The following LAMA2 variants were observed in gnomAD, a reference collection of about 807,000 sequenced individuals.
LAMA2 encodes the protein laminin subunit alpha 2.
LAMA2 carries 269 observed loss-of-function variants against 364.8 expected under a neutral mutation model. The ratio of observed to expected loss-of-function variants is 0.74; its 90% CI spans 0.67 to 0.82. LAMA2 has a LOEUF of 0.82. Among genes scored for constraint, LAMA2 ranks in the 40% least tolerant of loss-of-function variants. LAMA2 has a pLI of 0.00. For missense variants in LAMA2, 3,807 were observed against 3,873.2 expected, an observed-to-expected ratio of 0.98 and a Z score of 0.45; for synonymous variants, 1,379 against 1,370.6, an observed-to-expected ratio of 1.01 and a Z score of -0.14.
In LAMA2 at chr6:129,481,310, C is replaced by A. The variant is rs747235701; in HGVS notation, c.7620C>A (p.Ser2540=). The A allele has an allele frequency of 1.2e-6, 2 of 1,613,732 alleles. No individual in the cohort carries two copies. Among genetic ancestry groups the A allele is most frequent in the South Asian group, 2.2e-5 (2 of 91,078 alleles). Residue 2540 remains serine, a synonymous_variant, in exon 55 of 65, where the codon TCC becomes TCA. Coordinates refer to ENST00000421865, the MANE Select transcript of LAMA2 (RefSeq NM_000426.4). The part of the protein sequence containing the change: ...SFPKPGFVEL[S]PVPIDVGTEI... ...CTAAGCCTGGTTTTGTGGAGCTCTC[C>A]CCTGTGCCAATTGATGTAGGAACAG...
chr6:129,073,889 G>A lies in LAMA2; in HGVS notation c.396+13993G>A, dbSNP rs553077129. ...TTCCTGTTTTATGACAAGCTTGGTC[G>A]TTTTTGATTAAATAATGTATGTGTC... is the stretch of plus-strand genomic sequence containing the variant. On this transcript the variant is annotated intron_variant, in intron 3 of 64. Transcript: ENST00000421865. Among the ~76,000 whole-genome samples, 188 of 152,192 alleles carry A rather than the reference G, an allele frequency of 1.2e-3. 3 individuals are homozygous for A. Among genetic ancestry groups the A allele is most frequent in the South Asian group, 9.6e-3 (46 of 4,814 alleles).
intron 1 of LAMA2, among the ~76,000 whole-genome samples, chr6:128,939,775 T>C (rs1780047445): frequency 6.6e-6 from 1 of 152,172 alleles, no homozygotes; most frequent in South Asian, 2.1e-4. Flanking sequence ...TTATACTTCT[T>C]GTAAAATAAT....
chr6:129,222,589 GAT>G (rs1007063582), intron 12 of LAMA2, among the ~76,000 whole-genome samples: 18 of 148,002 alleles, frequency 1.2e-4, no homozygotes, highest in African/African-American at 3.8e-4. Flanking sequence ...GAGAATATGC[GAT>G]GTTTAGTTTG....
At chr6:129,008,782 G>A (rs1784584935) in intron 1 of LAMA2, among the ~76,000 whole-genome samples, 1 of 152,114 alleles carries the variant, frequency 6.6e-6, no homozygotes, top group African/African-American at 2.4e-5. Context: ...AGGAACTTTG[G>A]CAGGACGAGA....
chr6:129,267,081 G>T, intron 15 of LAMA2, 25 bp from the exon 16 acceptor site: 1 of 1,423,088 alleles, frequency 7.0e-7, no homozygotes, highest in Non-Finnish European at 9.9e-7. Flanking sequence ...CTCCAAGACT[G>T]ACTAAAGCCT....
In LAMA2 at chr6:129,391,560, T is replaced by G. The variant is rs1351512527; in HGVS notation, c.5141T>G (p.Leu1714Trp). The change falls in exon 36 of 65, where the codon TTG (leucine) becomes TGG (tryptophan). Residue 1714 changes from leucine to tryptophan, a missense_variant. By Grantham distance (61) the Leu-to-Trp change is moderately conservative. This residue lies in a region of LAMA2 where 3,333 missense variants were observed against 3,345.7 expected (regional missense o/e 1.00). Coordinates refer to ENST00000421865, the MANE Select transcript of LAMA2 (RefSeq NM_000426.4). ...GTRDEAFERN[L>W]EGLQKEIDQM... ...CGAGACGAGGCCTTTGAGAGAAATT[T>G]GGAAGGGCTTCAGAAAGAGATTGAC... The G allele has an allele frequency of 6.2e-7, 1 of 1,613,738 alleles. No homozygotes were observed. Among genetic ancestry groups the G allele is most frequent in the African/African-American group, 1.3e-5 (1 of 74,924 alleles).
At chr6:129,223,920 A>G (rs1180244522) in intron 12 of LAMA2, among the ~76,000 whole-genome samples, 1 of 152,140 alleles carries the variant, frequency 6.6e-6, no homozygotes, top group Admixed American at 6.5e-5. Context: ...CATTGAATCT[A>G]TGAATTACCT....
intron 35 of LAMA2, among the ~76,000 whole-genome samples, chr6:129,388,245 G>A (rs1779128498): frequency 7.2e-6 from 1 of 139,532 alleles, no homozygotes. Context: ...AACAGAGCAA[G>A]ACTCCATCTC....
intron 1 of LAMA2, among the ~76,000 whole-genome samples, chr6:129,021,934 A>G (rs1297385673): frequency 6.6e-6 from 1 of 152,248 alleles, no homozygotes; most frequent in African/African-American, 2.4e-5. Flanking sequence ...GCCATGGACC[A>G]AAAGTAGGCC....
rs1479730109 is a variant in LAMA2, at chr6:129,383,499, T to C, written c.5071+266T>C. ...TTGTAACATGGCTATTATAATTACA[T>C]AAGAATAGGCAACTTTTGTTTTGTT... On this transcript the variant is annotated intron_variant, in intron 35 of 64. Coordinates refer to ENST00000421865, the MANE Select transcript of LAMA2 (RefSeq NM_000426.4). Among the ~76,000 whole-genome samples the C allele has an allele frequency of 2.0e-5, 3 of 152,338 alleles. No individual in the cohort carries two copies. The East Asian group carries it at 5.8e-4, about 29-fold the overall frequency.
At chr6:129,333,989 A>G (rs1054511869) in intron 29 of LAMA2, among the ~76,000 whole-genome samples, 3 of 152,222 alleles carry the variant, frequency 2.0e-5, no homozygotes, top group Non-Finnish European at 4.4e-5. Flanking sequence ...AAACAAACAC[A>G]GCTGGTATAA....
intron 18 of LAMA2, among the ~76,000 whole-genome samples, chr6:129,284,614 T>C (rs1013393202): frequency 1.2e-4 from 18 of 152,152 alleles, no homozygotes; most frequent in African/African-American, 3.6e-4. Context: ...AGTGTATAGA[T>C]AATAGAAATG....
intron 4 of LAMA2, among the ~76,000 whole-genome samples, chr6:129,117,164 G>A (rs1471936572): frequency 6.6e-6 from 1 of 152,120 alleles, no homozygotes; most frequent in African/African-American, 2.4e-5. Context: ...AAACTTTCAA[G>A]ACGAACATTT....
chr6:129,258,024 G>A (rs191082034), intron 14 of LAMA2, among the ~76,000 whole-genome samples: 64 of 151,846 alleles, frequency 4.2e-4, no homozygotes, highest in African/African-American at 1.1e-3. Context: ...CTACCCATCC[G>A]TCCACCCATC....
At chr6:129,132,006 A>G (rs150611677) in intron 4 of LAMA2, among the ~76,000 whole-genome samples, 64 of 152,006 alleles carry the variant, frequency 4.2e-4, no homozygotes, top group African/African-American at 1.5e-3. Flanking sequence ...TAATTCTACA[A>G]TCTCCTCTTC....
At chr6:129,347,345 C>T (rs555291568) in intron 30 of LAMA2, among the ~76,000 whole-genome samples, 8 of 151,878 alleles carry the variant, frequency 5.3e-5, no homozygotes, top group Non-Finnish European at 1.2e-4. Flanking sequence ...TTTAGATCTG[C>T]GAAGGTAGGC....
chr6:128,886,318 C>T (rs188116458), intron 1 of LAMA2, among the ~76,000 whole-genome samples: 2 of 152,040 alleles, frequency 1.3e-5, no homozygotes, highest in Admixed American at 1.3e-4. Flanking sequence ...TCCATTTGTG[C>T]TCTTCTGGAA....
At chr6:129,444,344 GT>G (rs1782262079) in intron 44 of LAMA2, among the ~76,000 whole-genome samples, 1 of 152,062 alleles carries the variant, frequency 6.6e-6, no homozygotes, top group Non-Finnish European at 1.5e-5. Context: ...TTTTGCCTCA[GT>G]TTTAGAATAA....
intron 3 of LAMA2, among the ~76,000 whole-genome samples, chr6:129,074,798 C>T (rs990239340): frequency 5.9e-5 from 9 of 151,806 alleles, no homozygotes; most frequent in East Asian, 3.9e-4. Flanking sequence ...AAATTGGGAT[C>T]GTGTGGAAAA....
Sources: allele counts gnomAD v4.1 joint callset (sites outside exome capture counted in the v4.1 genomes callset), GRCh38; gene constraint gnomAD v4.1.1; regional missense constraint gnomAD v4.1.1; transcripts MANE v1.5; gene names NCBI Gene and HGNC (gene_info 2026-07-23, HGNC 2026-07-21).